Variants in ABCA1 observed in about 807,000 individuals in gnomAD.
The protein encoded by ABCA1 is phospholipid-transporting ATPase ABCA1.
ABCA1 carries 133 observed loss-of-function variants against 262.5 expected under a neutral mutation model. The ratio of observed to expected loss-of-function variants is 0.51; its 90% CI spans 0.44 to 0.59. The LOEUF (loss-of-function observed/expected upper bound fraction) is 0.59. Ranked by LOEUF, ABCA1 falls within the 20% of genes least tolerant of loss-of-function variation. The pLI is 0.00. For synonymous variants in ABCA1, 1,022 were observed against 1,043.5 expected, an observed-to-expected ratio of 0.98 and a Z score of 0.40; for missense variants, 2,452 against 2,777.5, an observed-to-expected ratio of 0.88 and a Z score of 2.63.
At chr9:104,810,141 CATATATATATATAT>C (rs35876406) in intron 29 of ABCA1, among the ~76,000 whole-genome samples, 3 of 126,852 alleles carry the variant, frequency 2.4e-5, no homozygotes, top group African/African-American at 2.8e-5. Flanking sequence ...ATTCACATTA[CATATATATATATAT>C]ATATATATAT....
At chr9:104,857,862 G>C (rs1835983790) in intron 7 of ABCA1, among the ~76,000 whole-genome samples, 1 of 152,146 alleles carries the variant, frequency 6.6e-6, no homozygotes, top group African/African-American at 2.4e-5. Flanking sequence ...TTTCACCAGA[G>C]CTCTCAGAAC....
At chr9:104,806,905 T>C (rs754463581) in intron 30 of ABCA1, among the ~76,000 whole-genome samples, 12 of 152,096 alleles carry the variant, frequency 7.9e-5, no homozygotes, top group Non-Finnish European at 1.5e-4. Context: ...AGACAGTGAC[T>C]GGGGAGAATG....
Position 104,825,878 on chromosome 9 carries a change from A to G in ABCA1, c.2347T>C (p.Ser783Pro). The change falls in exon 17 of 50, where the codon TCT becomes CCT. Residue 783 changes from serine (S) to proline (P), a missense_variant. Ser to Pro is a moderately conservative substitution (Grantham distance 74). Transcript: ENST00000374736. ...FTLKIFASLLSPVAFGFGCEY... is the reference protein window; with the variant it reads ...FTLKIFASLLPPVAFGFGCEY... ...CAGCCAAACCCAAAAGCCACAGGAG[A>G]CAGCAGGCTCTGTGAGAAACAGGCA... 1 of 1,614,066 alleles carries G rather than the reference A, an allele frequency of 6.2e-7. No homozygotes were observed. The highest frequency in any genetic ancestry group is 8.5e-7 in the Non-Finnish European group (1 of 1,180,034).
intron 2 of ABCA1, among the ~76,000 whole-genome samples, chr9:104,902,215 T>C (rs1399097754): frequency 2.0e-5 from 3 of 152,184 alleles, no homozygotes; most frequent in Non-Finnish European, 4.4e-5. Flanking sequence ...AATAAACACA[T>C]ATGGATTTTT....
chr9:104,805,759 CCTT>C (rs1830705781), intron 31 of ABCA1, among the ~76,000 whole-genome samples: 1 of 152,228 alleles, frequency 6.6e-6, no homozygotes, highest in South Asian at 2.1e-4. Context: ...GTGGTCCAAA[CCTT>C]CTCCCCTCAA....
At chr9:104,925,778 G>A (rs2515609) in intron 1 of ABCA1, among the ~76,000 whole-genome samples, 27,166 of 152,068 alleles carry the variant, frequency 0.18, 2,802 homozygotes, top group South Asian at 0.33. Context: ...TATCTGTAGA[G>A]GTTCTACTCA....
At chr9:104,870,455 G>A (rs771920153) in intron 5 of ABCA1, among the ~76,000 whole-genome samples, 8 of 152,190 alleles carry the variant, frequency 5.3e-5, no homozygotes, top group East Asian at 1.9e-4. Context: ...GGGGTGGAAC[G>A]AGACATTACT....
intron 18 of ABCA1, among the ~76,000 whole-genome samples, chr9:104,823,503 G>A (rs1832557225): frequency 6.6e-6 from 1 of 152,172 alleles, no homozygotes; most frequent in Non-Finnish European, 1.5e-5. Context: ...TACTTCTTGT[G>A]AGTCTGTAAT....
chr9:104,882,054 A>ATT, intron 5 of ABCA1, among the ~76,000 whole-genome samples: 1 of 147,132 alleles, frequency 6.8e-6, no homozygotes, highest in Non-Finnish European at 1.5e-5. Flanking sequence ...AAAAAAAAAA[A>ATT]AAACTCAAAT....
chr9:104,816,327 T>G lies in ABCA1; in HGVS notation c.3554A>C (p.Asn1185Thr), dbSNP rs148328750. ...TLTIDVSAIS[N>T]LIRKHVSEAR... The stretch of plus-strand genomic sequence containing the variant: ...TTCAGACACATGCTTCCTGATGAGG[T>G]TGGAGATAGCAGAGACATCTGCAGG... The change falls in exon 25 of 50, where the codon AAC becomes ACC. Residue 1185 changes from asparagine to threonine, a missense_variant. Asn to Thr is a moderately conservative substitution (Grantham distance 65, BLOSUM62 0). This residue lies in a region of ABCA1 where 665 missense variants were observed against 727.3 expected (regional missense o/e 0.91). Transcript: ENST00000374736. 3 of 1,613,638 alleles carry G rather than the reference T, an allele frequency of 1.9e-6. No individual in the cohort carries two copies. The highest frequency in any genetic ancestry group is 2.5e-6 in the Non-Finnish European group (3 of 1,179,966).
At chr9:104,836,841 G>T in intron 11 of ABCA1, 139 bp downstream of exon 11, 2 of 712,262 alleles carry the variant, frequency 2.8e-6, no homozygotes, top group Non-Finnish European at 5.0e-6. Flanking sequence ...GGTGCCCTGT[G>T]ACTTTAGCTA....
At chr9:104,831,221 C>CAT in intron 13 of ABCA1, 120 bp from the exon 14 acceptor site, 1 of 741,168 alleles carries the variant, frequency 1.3e-6, no homozygotes, top group Non-Finnish European at 2.0e-6. Context: ...ATTTTTGTAT[C>CAT]TTTTTTTTTT....
intron 23 of ABCA1, among the ~76,000 whole-genome samples, chr9:104,818,230 C>G (rs1210134861): frequency 6.6e-6 from 1 of 151,592 alleles, no homozygotes; most frequent in East Asian, 1.9e-4. Flanking sequence ...ATTATCATTA[C>G]TTTCTTTCAT....
At position 104,814,450 on chromosome 9, in the gene ABCA1, C is replaced by A. The variant is rs1228237473; in HGVS notation, c.3764G>T (p.Ser1255Ile). 1.2e-6 allele frequency: 2 copies of A among 1,614,226 alleles called. No individual in the cohort carries two copies. Among genetic ancestry groups the A allele is most frequent in the East Asian group, 4.5e-5 (2 of 44,888 alleles). Reference sequence around the variant, plus strand: ...ACCTGAGGTCTCAGCATCCACCCCACTCTCTTCGGCCACCTTGAGGAATAT... The same window carrying A: ...ACCTGAGGTCTCAGCATCCACCCCAATCTCTTCGGCCACCTTGAGGAATAT... ...EEIFLKVAEE[S>I]GVDAETSDGT... The change falls in exon 26 of 50, where the codon AGT becomes ATT. Residue 1255 changes from serine (S) to isoleucine (I), a missense_variant. Physicochemically the swap from Ser to Ile is moderately radical, Grantham distance 142 (BLOSUM62 -2). Transcript: ENST00000374736.
intron 42 of ABCA1, 26 bp downstream of exon 42, chr9:104,792,760 A>AGC: frequency 6.2e-7 from 1 of 1,613,942 alleles, no homozygotes; most frequent in African/African-American, 1.3e-5. Context: ...ACTGAAGATG[A>AGC]GCTATTGTAA....
chr9:104,803,011 A>C (rs1830471462), intron 33 of ABCA1, among the ~76,000 whole-genome samples: 1 of 152,174 alleles, frequency 6.6e-6, no homozygotes, highest in African/African-American at 2.4e-5. Flanking sequence ...TCCTCAAGGA[A>C]ATCAGTATAT....
rs13306082 is a variant in ABCA1 at position 104,903,570 on chromosome 9, G to C, written c.66+44C>G. 6 of 1,549,144 alleles carry C rather than the reference G, an allele frequency of 3.9e-6. No homozygotes were observed. The East Asian group carries it at 1.2e-4, about 31-fold the overall frequency. ...CCAATCCCCAACTCAAAACCACAAA[G>C]AAAAAATGAGAGAACCCCCCGCTGC... On this transcript the variant is annotated intron_variant, in intron 2 of 49. Coordinates refer to ENST00000374736, the MANE Select transcript of ABCA1 (RefSeq NM_005502.4).
Position 104,798,573 on chromosome 9 carries a change from C to T in ABCA1, c.4969G>A (p.Val1657Met). ...ATTGCAAAGATGACACAGATGGACA[C>T]AAGGACATCCACTGATGTGGTCATC... ...ALMTTSVDVL[V>M]SICVIFAMSF... The change falls in exon 37 of 50, where the codon GTG (valine) becomes ATG (methionine). Residue 1657 changes from valine (V) to methionine (M), a missense_variant. By Grantham distance (21) the Val-to-Met change is conservative. Around this residue, in one of 4 missense-constraint regions of ABCA1, gnomAD observed 752 missense variants for 944.5 expected, o/e 0.80. Coordinates refer to ENST00000374736, the MANE Select transcript of ABCA1 (RefSeq NM_005502.4). The T allele has an allele frequency of 6.2e-7, 1 of 1,614,118 alleles. No homozygotes were observed. Among genetic ancestry groups the T allele is most frequent in the African/African-American group, 1.3e-5 (1 of 75,042 alleles).
intron 1 of ABCA1, among the ~76,000 whole-genome samples, chr9:104,923,993 G>A (rs1842287844): frequency 6.6e-6 from 1 of 152,316 alleles, no homozygotes; most frequent in Admixed American, 6.5e-5. Context: ...AGTGAGCCTT[G>A]TCTGTGCAGC....
Sources: allele counts gnomAD v4.1 joint callset (sites outside exome capture counted in the v4.1 genomes callset), GRCh38; gene constraint gnomAD v4.1.1; regional missense constraint gnomAD v4.1.1; transcripts MANE v1.5; gene names NCBI Gene and HGNC (gene_info 2026-07-23, HGNC 2026-07-21).